Variants in MLLT3 observed in about 807,000 individuals in gnomAD.
MLLT3 encodes the protein MLLT3 super elongation complex subunit.
MLLT3 carries 4 observed loss-of-function variants against 53.2 expected under a neutral mutation model. The observed-to-expected ratio is 0.08, with a 90% confidence interval of 0.04 to 0.17. The LOEUF is 0.17. Among genes scored for constraint, MLLT3 ranks in the 10% least tolerant of loss-of-function variants. The pLI is 1.00. For missense variants in MLLT3, 569 were observed against 684.0 expected (o/e 0.83, Z 1.87); for synonymous variants, 283 against 230.6 (o/e 1.23, Z -2.06).
intron 4 of MLLT3, among the ~76,000 whole-genome samples, chr9:20,415,245 A>G (rs1032995238): frequency 6.6e-6 from 1 of 152,204 alleles, no homozygotes; most frequent in African/African-American, 2.4e-5. Context: ...TAATAGAACA[A>G]AGATTTCACC....
At chr9:20,583,794 C>T (rs1819870827) in intron 2 of MLLT3, among the ~76,000 whole-genome samples, 1 of 152,160 alleles carries the variant, frequency 6.6e-6, no homozygotes. Flanking sequence ...CCCACAAAAC[C>T]ACTTTTTCTT....
At chr9:20,484,995 ATT>A (rs562339458) in intron 2 of MLLT3, among the ~76,000 whole-genome samples, 2 of 147,010 alleles carry the variant, frequency 1.4e-5, no homozygotes, top group African/African-American at 2.5e-5. Flanking sequence ...TTTTTTATTT[ATT>A]TTTTTTTTTG....
chr9:20,611,329 C>T (rs1587130767), intron 2 of MLLT3, among the ~76,000 whole-genome samples: 1 of 152,004 alleles, frequency 6.6e-6, no homozygotes, highest in Non-Finnish European at 1.5e-5. Flanking sequence ...CATTAAGAGG[C>T]AAATTACCTC....
At chr9:20,436,806 T>C (rs1214198938) in intron 4 of MLLT3, among the ~76,000 whole-genome samples, 3 of 152,154 alleles carry the variant, frequency 2.0e-5, no homozygotes, top group Admixed American at 6.5e-5. Flanking sequence ...ACTCATTTTA[T>C]AGCCATAAAA....
intron 5 of MLLT3, among the ~76,000 whole-genome samples, chr9:20,406,058 G>A (rs377395881): frequency 1.5e-3 from 224 of 152,132 alleles, no homozygotes; most frequent in African/African-American, 5.0e-3. Flanking sequence ...GCTGCAGTGA[G>A]CCGAGATTGC....
At chr9:20,505,233 A>T (rs142733955) in intron 2 of MLLT3, among the ~76,000 whole-genome samples, 2 of 152,346 alleles carry the variant, frequency 1.3e-5, no homozygotes, top group African/African-American at 4.8e-5. Context: ...GATGACAGTG[A>T]TTTTAAACTC....
At chr9:20,444,629 T>A (rs1586953634) in intron 4 of MLLT3, among the ~76,000 whole-genome samples, 1 of 152,220 alleles carries the variant, frequency 6.6e-6, no homozygotes, top group East Asian at 1.9e-4. Context: ...TTAGAGCACT[T>A]TAGGAGGCCG....
chr9:20,436,695 G>C (rs370532958), intron 4 of MLLT3, among the ~76,000 whole-genome samples: 2 of 152,240 alleles, frequency 1.3e-5, no homozygotes, highest in African/African-American at 4.8e-5. Context: ...TCTCTTGCTT[G>C]ACTGATTTCA....
Position 20,622,314 on chromosome 9 carries a change from C to G in MLLT3, c.-58G>C. The G allele has an allele frequency of 6.8e-7, 1 of 1,466,414 alleles. No individual in the cohort carries two copies. The highest frequency in any genetic ancestry group is 9.2e-7 in the Non-Finnish European group (1 of 1,092,406). The allele number at this position is 1,466,414 out of a possible 1,614,324, so 90.8% of individuals were successfully genotyped here. ...TGTGGTACCCCCCCCTCCTCCGCCCCCCCTCAGCTGTAATTCATGAAGAGG... is the reference window on the plus strand; with the variant it reads ...TGTGGTACCCCCCCCTCCTCCGCCCGCCCTCAGCTGTAATTCATGAAGAGG... On this transcript the variant is annotated 5_prime_UTR_variant, in exon 1 of 11. Coordinates refer to ENST00000380338, the MANE Select transcript of MLLT3 (RefSeq NM_004529.4).
intron 2 of MLLT3, among the ~76,000 whole-genome samples, chr9:20,585,112 G>C (rs1178922282): frequency 6.6e-6 from 1 of 152,134 alleles, no homozygotes; most frequent in Non-Finnish European, 1.5e-5. Context: ...TTAGTAATTT[G>C]TTTCTCACAG....
chr9:20,617,935 T>C (rs1820877212), intron 2 of MLLT3, among the ~76,000 whole-genome samples: 1 of 152,180 alleles, frequency 6.6e-6, no homozygotes, highest in African/African-American at 2.4e-5. Flanking sequence ...AATATTACTG[T>C]GAAGTAAAGG....
intron 5 of MLLT3, among the ~76,000 whole-genome samples, chr9:20,373,188 G>A (rs1266160407): frequency 1.3e-5 from 2 of 152,102 alleles, no homozygotes; most frequent in African/African-American, 4.8e-5. Flanking sequence ...CTAGCACACT[G>A]CTGTTCTAAT....
chr9:20,617,025 C>A (rs1212850360), intron 2 of MLLT3, among the ~76,000 whole-genome samples: 1 of 152,126 alleles, frequency 6.6e-6, no homozygotes, highest in Non-Finnish European at 1.5e-5. Context: ...TTTTAAGTGC[C>A]TTGGAAAATT....
At chr9:20,603,291 G>A (rs910408276) in intron 2 of MLLT3, among the ~76,000 whole-genome samples, 1 of 151,952 alleles carries the variant, frequency 6.6e-6, no homozygotes, top group Non-Finnish European at 1.5e-5. Flanking sequence ...TTTATAACCA[G>A]AAAACTTAGA....
intron 2 of MLLT3, among the ~76,000 whole-genome samples, chr9:20,469,364 A>G (rs903232005): frequency 6.6e-6 from 1 of 152,184 alleles, no homozygotes; most frequent in African/African-American, 2.4e-5. Flanking sequence ...TTATGTAAAA[A>G]GCTCTTGAAT....
intron 2 of MLLT3, among the ~76,000 whole-genome samples, chr9:20,543,359 A>C (rs1051499533): frequency 6.6e-5 from 10 of 152,242 alleles, no homozygotes; most frequent in Non-Finnish European, 1.0e-4. Context: ...ACAGACATGC[A>C]GCTCTTCCTT....
intron 10 of MLLT3, among the ~76,000 whole-genome samples, chr9:20,349,750 A>C (rs554336805): frequency 6.6e-6 from 1 of 152,346 alleles, no homozygotes; most frequent in East Asian, 1.9e-4. Flanking sequence ...GCAGATCTCC[A>C]GTACTTCCAT....
chr9:20,385,781 G>A (rs911742617), intron 5 of MLLT3, among the ~76,000 whole-genome samples: 1 of 152,126 alleles, frequency 6.6e-6, no homozygotes, highest in African/African-American at 2.4e-5. Context: ...TTACCTACAA[G>A]AGTCTCATAT....
intron 5 of MLLT3, among the ~76,000 whole-genome samples, chr9:20,403,089 TG>T (rs1822495706): frequency 6.6e-6 from 1 of 151,218 alleles, no homozygotes; most frequent in Admixed American, 6.6e-5. Context: ...GCATGCCAAC[TG>T]GGGGCCTGCA....
Sources: allele counts gnomAD v4.1 joint callset (sites outside exome capture counted in the v4.1 genomes callset), GRCh38; gene constraint gnomAD v4.1.1; transcripts MANE v1.5; gene names NCBI Gene and HGNC (gene_info 2026-07-23, HGNC 2026-07-21).